The following CFAP57 variants were observed in gnomAD, a reference collection of about 807,000 sequenced individuals.
CFAP57 encodes the protein cilia and flagella associated protein 57.
Under a neutral mutation model 146.8 loss-of-function variants are expected in CFAP57, and 116 were observed. The ratio of observed to expected loss-of-function variants is 0.79; its 90% CI spans 0.68 to 0.92. CFAP57 has a LOEUF of 0.92. Ranked by LOEUF, CFAP57 falls within the 40% of genes least tolerant of loss-of-function variation. The pLI is 0.00. For synonymous variants in CFAP57, 518 were observed against 552.8 expected (o/e 0.94, Z 0.88); for missense variants, 1,377 against 1,527.2 (o/e 0.90, Z 1.64).
At chr1:43,178,360 A>G (rs1370597838) in intron 2 of CFAP57, among the ~76,000 whole-genome samples, 2 of 152,350 alleles carry the variant, frequency 1.3e-5, no homozygotes, top group East Asian at 1.9e-4. Context: ...CAACCTACAG[A>G]ATGGGAGAAA....
At position 43,172,739 on chromosome 1, in the gene CFAP57, G is replaced by C. The variant is rs1782386; in HGVS notation, c.-15G>C. ...CGCTGCCTTGGTCTTCAGCAGAACT[G>C]TTTGGCGGGAGATCATGTCAGCCGT... On this transcript the variant is annotated 5_prime_UTR_variant, in exon 2 of 23. Coordinates refer to ENST00000372492, the MANE Select transcript of CFAP57 (RefSeq NM_001378189.1). The C allele has an allele frequency of 0.24, 381,772 of 1,612,958 alleles. 48,108 individuals are homozygous for C. The highest frequency in any genetic ancestry group is 0.27 in the Middle Eastern group (1,620 of 5,894).
At chr1:43,176,987 C>T in intron 2 of CFAP57, 1 of 377,056 alleles carries the variant, frequency 2.7e-6, no homozygotes, top group Admixed American at 3.2e-5. Flanking sequence ...GGGTGAGGAG[C>T]AAGAGGGGAG....
At position 43,201,589 on chromosome 1, in the gene CFAP57, G is replaced by A. The variant is rs1456980467; in HGVS notation, c.1542+2086G>A. 3.3e-5 allele frequency among the ~76,000 whole-genome samples: 5 copies of A among 152,198 alleles called. No homozygotes were observed. Among genetic ancestry groups the A allele is most frequent in the Admixed American group, 1.3e-4 (2 of 15,278 alleles). On this transcript the variant is annotated intron_variant, in intron 9 of 22. Coordinates refer to ENST00000372492, the MANE Select transcript of CFAP57 (RefSeq NM_001378189.1). This position sits in a 1 kb window ranked among gnomAD's most constrained non-coding sequence, Gnocchi z 4.4. ...CAACCTCCACCTCCTGAGTTCAAGC[G>A]ATTCTCCTGCCTCAGCCTCCCAAGT...
intron 6 of CFAP57, among the ~76,000 whole-genome samples, chr1:43,193,738 A>G (rs1019132256): frequency 1.3e-5 from 2 of 152,022 alleles, no homozygotes; most frequent in Non-Finnish European, 2.9e-5. Flanking sequence ...ATAATTTTAT[A>G]TATTTTAAAG....
intron 21 of CFAP57, among the ~76,000 whole-genome samples, chr1:43,236,590 TAAAAAAAAA>T (rs764205138): frequency 3.6e-4 from 15 of 41,802 alleles, no homozygotes; most frequent in African/African-American, 1.1e-3. Context: ...GAATAAGTGC[TAAAAAAAAA>T]AAAAAAAAAA....
Position 43,232,491 on chromosome 1 carries a change from TC to T in CFAP57, c.3010-14del. On this transcript the variant is annotated splice_polypyrimidine_tract_variant and intron_variant, in intron 18 of 22. Coordinates refer to ENST00000372492, the MANE Select transcript of CFAP57 (RefSeq NM_001378189.1). The stretch of plus-strand genomic sequence containing the variant: ...CTAACTTTCTTCTTCTTGACTCTTT[TC>T]CCTTGTTGTCTACAGATGGAAGCTG... 6.5e-7 allele frequency: 1 copy of T among 1,543,518 alleles called. No homozygotes were observed. Among genetic ancestry groups the T allele is most frequent in the Non-Finnish European group, 8.8e-7 (1 of 1,140,820 alleles).
Position 43,185,293 on chromosome 1 carries a change from G to T in CFAP57, c.906G>T (p.Gly302=). 6.2e-7 allele frequency: 1 copy of T among 1,614,158 alleles called. No individual in the cohort carries two copies. Among genetic ancestry groups the T allele is most frequent in the Non-Finnish European group, 8.5e-7 (1 of 1,180,032 alleles). Residue 302 remains glycine, a synonymous_variant, in exon 5 of 23, where the codon GGG becomes GGT. Transcript: ENST00000372492. ...GATTTGCCTGTTCTGCTGGGCCAGG[G>T]AGAGTTCTGCTGTTTGAGAAGATGG... is the stretch of plus-strand genomic sequence containing the variant. The part of the protein sequence containing the change: ...SKGFACSAGP[G]RVLLFEKMEE...
At chr1:43,237,041 G>A (rs142719671) in intron 21 of CFAP57, among the ~76,000 whole-genome samples, 11 of 152,278 alleles carry the variant, frequency 7.2e-5, no homozygotes, top group Non-Finnish European at 8.8e-5. Context: ...TGGACTGCAG[G>A]TGGCAGGGGT....
Position 43,186,889 on chromosome 1 carries a change from A to T in CFAP57, c.1122+30A>T, listed in dbSNP as rs201473284. 1.6e-4 allele frequency: 265 copies of T among 1,613,736 alleles called. No individual in the cohort carries two copies. In the African/African-American group the frequency reaches 3.2e-3, roughly 19 times the overall value. ...GTCTTTCCAGCAATGGTCCTTCCAG[A>T]CCAGGACCTATCTGCCTGCTGGGGG... On this transcript the variant is annotated intron_variant, in intron 6 of 22. Coordinates refer to ENST00000372492, the MANE Select transcript of CFAP57 (RefSeq NM_001378189.1).
intron 3 of CFAP57, 37 bp from the exon 4 acceptor site, chr1:43,183,554 C>A: frequency 6.3e-7 from 1 of 1,586,994 alleles, no homozygotes; most frequent in Non-Finnish European, 8.6e-7. Context: ...AGAATAGTTT[C>A]ATAAATTTTT....
chr1:43,232,378 A>G, intron 18 of CFAP57, 130 bp from the exon 19 acceptor site: 1 of 709,130 alleles, frequency 1.4e-6, no homozygotes, highest in Non-Finnish European at 2.4e-6. Flanking sequence ...TCCAGAGGAC[A>G]CAGAAGGGGA....
intron 21 of CFAP57, among the ~76,000 whole-genome samples, chr1:43,235,721 G>A (rs143659246): frequency 7.9e-5 from 12 of 152,280 alleles, no homozygotes; most frequent in African/African-American, 2.4e-4. Context: ...ACCAGCAGCC[G>A]CACACTGAGC....
At chr1:43,226,158 G>A (rs1363675529) in intron 17 of CFAP57, among the ~76,000 whole-genome samples, 2 of 152,214 alleles carry the variant, frequency 1.3e-5, no homozygotes, top group African/African-American at 4.8e-5. Context: ...GGGTGACAAA[G>A]TGAGACCCAT....
rs1645525085 is a variant in CFAP57, at chr1:43,232,763, C to T, written c.3126+139C>T. On this transcript the variant is annotated intron_variant, in intron 19 of 22. Transcript: ENST00000372492. ...TTTTAACTCACATTCTTTACTTGCT[C>T]CCAGCCCTGCCTGATTTCAGGCCCA... The T allele has an allele frequency of 6.9e-6, 4 of 577,962 alleles. No individual in the cohort carries two copies. The South Asian group carries it at 1.1e-4, about 16-fold the overall frequency. 35.8% of individuals were successfully genotyped at this position (577,962 alleles called of 1,614,324 possible).
intron 6 of CFAP57, among the ~76,000 whole-genome samples, chr1:43,187,409 T>C (rs61776950): frequency 0.042 from 6,439 of 152,220 alleles, 163 homozygotes; most frequent in African/African-American, 0.049. Context: ...ACAAGGAAAA[T>C]AGACCATCTA....
chr1:43,176,483 TCTC>T, intron 2 of CFAP57, among the ~76,000 whole-genome samples: 1 of 152,282 alleles, frequency 6.6e-6, no homozygotes, highest in South Asian at 2.1e-4. Flanking sequence ...AGAGCCTCAG[TCTC>T]CTCATCTGTA....
In CFAP57 at chr1:43,233,676, A is replaced by G. The variant is rs140335485; in HGVS notation, c.3127-603A>G. 3.8e-3 allele frequency among the ~76,000 whole-genome samples: 581 copies of G among 152,250 alleles called. 4 individuals are homozygous for G. The highest frequency in any genetic ancestry group is 0.013 in the African/African-American group (553 of 41,540). On this transcript the variant is annotated intron_variant, in intron 19 of 22. Transcript: ENST00000372492. ...TAGTTATATTGAGAGGTAGAAAACG[A>G]TGGAACATGTAGAAAGGGCCATGGG...
intron 11 of CFAP57, among the ~76,000 whole-genome samples, chr1:43,214,689 T>A (rs922516561): frequency 4.4e-4 from 67 of 152,300 alleles, no homozygotes; most frequent in East Asian, 2.3e-3. Flanking sequence ...TGTTTTTTTT[T>A]AAACTGCCAA....
At position 43,196,391 on chromosome 1, in the gene CFAP57, A is replaced by G. The variant is rs1643871417; in HGVS notation, c.1123-1162A>G. On this transcript the variant is annotated intron_variant, in intron 6 of 22. Transcript: ENST00000372492. ...TAACCTGTGCCTGCCTACCCAGCAT[A>G]GCATCTCTTTCTCTGAGATAGTAGG... The G allele has an allele frequency of 2.0e-5, 3 of 153,492 alleles. No individual in the cohort carries two copies. The South Asian group carries it at 6.2e-4, about 32-fold the overall frequency. 9.5% of individuals were successfully genotyped at this position (153,492 alleles called of 1,614,324 possible). A position where few individuals can be genotyped will look rare whatever the true frequency, so the allele number is the denominator to read the frequency against.
Sources: allele counts gnomAD v4.1 joint callset (sites outside exome capture counted in the v4.1 genomes callset), GRCh38; gene constraint gnomAD v4.1.1; non-coding constraint Gnocchi (gnomAD v3.1); transcripts MANE v1.5; gene names NCBI Gene and HGNC (gene_info 2026-07-23, HGNC 2026-07-21).